Variants in CSMD1 observed in about 807,000 individuals in gnomAD.
CSMD1 encodes CUB and sushi domain-containing protein 1.
A neutral mutation model predicts 417.5 loss-of-function variants in CSMD1; 213 were observed. That is an observed-to-expected ratio of 0.51 (90% CI 0.46 to 0.57). CSMD1 has a LOEUF of 0.57. Ranked by LOEUF, CSMD1 falls within the 20% of genes least tolerant of loss-of-function variation. The pLI, the probability that CSMD1 is intolerant of heterozygous loss-of-function variation, is 0.00. For missense variants in CSMD1, 6,923 were observed against 4,529.7 expected, an observed-to-expected ratio of 1.53 and a Z score of -15.17; for synonymous variants, 2,862 against 1,736.8, an observed-to-expected ratio of 1.65 and a Z score of -16.11.
chr8:3,684,842 G>A (rs755326986), intron 7 of CSMD1, among the ~76,000 whole-genome samples: 2 of 151,956 alleles, frequency 1.3e-5, no homozygotes, highest in African/African-American at 2.4e-5. Context: ...TTTCCATCAC[G>A]ACTCTTATTA....
At chr8:3,742,820 T>C (rs1332100366) in intron 6 of CSMD1, among the ~76,000 whole-genome samples, 1 of 152,164 alleles carries the variant, frequency 6.6e-6, no homozygotes, top group East Asian at 1.9e-4. Context: ...ACTCCTCATA[T>C]AAGGAGACCC....
Position 3,926,079 on chromosome 8 carries a change from CCATACACACACACA to C in CSMD1, c.818+71810_818+71823del, listed in dbSNP as rs1324486105. Among the ~76,000 whole-genome samples the C allele has an allele frequency of 3.3e-3, 267 of 81,430 alleles. 10 individuals carry two copies. The highest frequency in any genetic ancestry group is 0.014 in the African/African-American group (254 of 17,818). The allele number at this position is 81,430 out of a possible 152,430, so 53.4% of individuals were successfully genotyped here. ...ACACACACACACACACACACAAACA[CCATACACACACACA>C]CACACACACACACACACACACACAC... On this transcript the variant is annotated intron_variant, in intron 5 of 69. Transcript: ENST00000635120.
rs1157744530 is a variant in CSMD1 at position 4,211,055 on chromosome 8, C to T, written c.416-178956G>A. ...TTTTAAAATACAAACACATTTCCTTCCTTAAGAAATTCATGTTCACATATC... is the reference window on the plus strand; with the variant it reads ...TTTTAAAATACAAACACATTTCCTTTCTTAAGAAATTCATGTTCACATATC... On this transcript the variant is annotated intron_variant, in intron 3 of 69. Coordinates refer to ENST00000635120, the MANE Select transcript of CSMD1 (RefSeq NM_033225.6). Among the ~76,000 whole-genome samples the T allele has an allele frequency of 2.0e-5, 3 of 152,276 alleles. No individual in the cohort carries two copies. In the South Asian group the frequency reaches 6.2e-4, roughly 32 times the overall value.
chr8:3,083,808 C>A (rs935371103), intron 49 of CSMD1, among the ~76,000 whole-genome samples: 4 of 150,996 alleles, frequency 2.6e-5, no homozygotes, highest in Non-Finnish European at 5.9e-5. Context: ...TACAGGTGCA[C>A]ACCACCACAT....
At chr8:4,235,216 G>A (rs1306103806) in intron 3 of CSMD1, among the ~76,000 whole-genome samples, 1 of 151,722 alleles carries the variant, frequency 6.6e-6, no homozygotes, top group East Asian at 1.9e-4. Context: ...ATGGACCAAG[G>A]GTGCAAAAAA....
chr8:3,667,798 A>T (rs1272500537), intron 7 of CSMD1, among the ~76,000 whole-genome samples: 1 of 152,186 alleles, frequency 6.6e-6, no homozygotes, highest in African/African-American at 2.4e-5. Flanking sequence ...TCATGGAAAC[A>T]GAAGACCCAG....
intron 1 of CSMD1, among the ~76,000 whole-genome samples, chr8:4,786,053 A>G (rs1305749368): frequency 6.6e-6 from 1 of 152,202 alleles, no homozygotes; most frequent in Non-Finnish European, 1.5e-5. Context: ...ACATTTGTAC[A>G]TAAATTATAA....
chr8:3,765,055 T>G (rs953025929), intron 5 of CSMD1, among the ~76,000 whole-genome samples: 4 of 152,176 alleles, frequency 2.6e-5, no homozygotes, highest in East Asian at 1.9e-4. Flanking sequence ...GCACTGCCCT[T>G]TTTTCTAAAA....
intron 3 of CSMD1, among the ~76,000 whole-genome samples, chr8:4,154,683 C>G (rs778684476): frequency 9.9e-5 from 15 of 152,154 alleles, no homozygotes; most frequent in South Asian, 4.1e-4. Flanking sequence ...CCTGAGAATT[C>G]TCATTAAAAA....
chr8:3,967,630 C>G (rs972008510), intron 5 of CSMD1, among the ~76,000 whole-genome samples: 1 of 152,130 alleles, frequency 6.6e-6, no homozygotes, highest in African/African-American at 2.4e-5. Context: ...GTGCATTACT[C>G]ACATTTCCCC....
In CSMD1 at chr8:3,206,358, G is replaced by C. The variant is rs142630603; in HGVS notation, c.4868-738C>G. 5.7e-3 allele frequency among the ~76,000 whole-genome samples: 745 copies of C among 130,562 alleles called. 4 individuals carry two copies. The highest frequency in any genetic ancestry group is 0.011 in the Admixed American group (123 of 11,700). 85.7% of individuals were successfully genotyped at this position (130,562 alleles called of 152,430 possible). A position where few individuals can be genotyped will look rare whatever the true frequency, so the allele number is the denominator to read the frequency against. ...ATGTGTGTTTGGGGTGTGTGTGTAT[G>C]TGTGTATTGGGGGTATGTCTGTGTG... On this transcript the variant is annotated intron_variant, in intron 30 of 69. Coordinates refer to ENST00000635120, the MANE Select transcript of CSMD1 (RefSeq NM_033225.6).
chr8:4,352,074 C>G (rs1457109294), intron 3 of CSMD1, among the ~76,000 whole-genome samples: 1 of 151,906 alleles, frequency 6.6e-6, no homozygotes, highest in Non-Finnish European at 1.5e-5. Flanking sequence ...CAGTGTTAGC[C>G]ACTCTCCTTC....
At chr8:3,683,536 C>G (rs180815689) in intron 7 of CSMD1, among the ~76,000 whole-genome samples, 19 of 152,144 alleles carry the variant, frequency 1.2e-4, no homozygotes, top group Admixed American at 6.5e-4. Context: ...CTGCACTGTG[C>G]CAAAAAATCA....
At chr8:3,347,931 A>G (rs1036847700) in intron 22 of CSMD1, 61 bp downstream of exon 22, 18 of 1,170,768 alleles carry the variant, frequency 1.5e-5, no homozygotes, top group Admixed American at 2.9e-5. Context: ...AAAAATAGAT[A>G]GACAATGTAT....
chr8:4,713,051 G>C (rs1169204661), intron 1 of CSMD1, among the ~76,000 whole-genome samples: 2 of 152,340 alleles, frequency 1.3e-5, no homozygotes, highest in Non-Finnish European at 2.9e-5. Flanking sequence ...ACTGGGAAAG[G>C]TCTTCTGCCA....
chr8:3,695,465 A>T (rs1800499247), intron 7 of CSMD1, among the ~76,000 whole-genome samples: 1 of 152,190 alleles, frequency 6.6e-6, no homozygotes, highest in Admixed American at 6.5e-5. Context: ...AAATCATGAG[A>T]AATACAAATC....
intron 1 of CSMD1, among the ~76,000 whole-genome samples, chr8:4,897,269 T>C (rs1051644596): frequency 2.0e-5 from 3 of 152,060 alleles, no homozygotes; most frequent in Non-Finnish European, 2.9e-5. Context: ...CAACCAAAAA[T>C]TTAAGTGTTC....
At chr8:3,651,959 G>A (rs1004563646) in intron 7 of CSMD1, among the ~76,000 whole-genome samples, 6 of 147,924 alleles carry the variant, frequency 4.1e-5, no homozygotes, top group East Asian at 4.1e-4. Context: ...CCATCAGAGC[G>A]CCATCACCAC....
chr8:4,560,069 T>C (rs1798261987), intron 2 of CSMD1, among the ~76,000 whole-genome samples: 1 of 152,232 alleles, frequency 6.6e-6, no homozygotes, highest in Non-Finnish European at 1.5e-5. Context: ...CTCGACTGCA[T>C]ATCCACAGAG....
Sources: allele counts gnomAD v4.1 joint callset (sites outside exome capture counted in the v4.1 genomes callset), GRCh38; gene constraint gnomAD v4.1.1; transcripts MANE v1.5; gene names NCBI Gene and HGNC (gene_info 2026-07-23, HGNC 2026-07-21).